The following CATSPERB variants were observed in gnomAD, a reference collection of about 807,000 sequenced individuals.
CATSPERB encodes the protein cation channel sperm-associated auxiliary subunit beta.
CATSPERB carries 93 observed loss-of-function variants against 128.3 expected under a neutral mutation model. The observed-to-expected ratio is 0.72, with a 90% CI of 0.61 to 0.86. The LOEUF (loss-of-function observed/expected upper bound fraction) is 0.86, where lower values mean the gene tolerates loss of function less well. CATSPERB is among the 40% of genes least tolerant of loss of function. The probability of loss-of-function intolerance (pLI) is 0.00; values close to 1 mark genes in which losing one functional copy is unlikely to be tolerated. For missense variants in CATSPERB, 1,153 were observed against 1,329.5 expected, an observed-to-expected ratio of 0.87 and a Z score of 2.06; for synonymous variants, 381 against 448.8, an observed-to-expected ratio of 0.85 and a Z score of 1.91.
chr14:91,723,215 A>AAC (rs1566741522), intron 3 of CATSPERB, 26 bp from the exon 4 acceptor site: 4 of 1,456,666 alleles, frequency 2.7e-6, no homozygotes, highest in Non-Finnish European at 1.8e-6. Context: ...AAAAAAAAAA[A>AAC]CAACTAATAA....
At chr14:91,584,598 A>G (rs538512019) in intron 26 of CATSPERB, among the ~76,000 whole-genome samples, 2 of 152,148 alleles carry the variant, frequency 1.3e-5, no homozygotes, top group Non-Finnish European at 2.9e-5. Context: ...TCTCCTGACA[A>G]TGGATTCTCT....
chr14:91,665,840 G>A (rs1400452303), intron 14 of CATSPERB, among the ~76,000 whole-genome samples: 1 of 151,986 alleles, frequency 6.6e-6, no homozygotes, highest in African/African-American at 2.4e-5. Context: ...ACAAGACTCC[G>A]TCTCAAAAAC....
intron 2 of CATSPERB, among the ~76,000 whole-genome samples, chr14:91,725,521 T>C (rs934410157): frequency 6.6e-6 from 1 of 152,164 alleles, no homozygotes. Context: ...TGTGTTTTGA[T>C]AGAGAGGTAC....
intron 5 of CATSPERB, among the ~76,000 whole-genome samples, chr14:91,716,867 A>G (rs1332163241): frequency 2.6e-5 from 4 of 152,170 alleles, no homozygotes; most frequent in African/African-American, 4.8e-5. Context: ...AGTTAAGCTT[A>G]TACTTACCAT....
Position 91,729,414 on chromosome 14 carries a change from T to C in CATSPERB, c.66A>G (p.Ile22Met). 1.4e-6 allele frequency: 2 copies of C among 1,470,764 alleles called. No homozygotes were observed. The allele number at this position is 1,470,764 out of a possible 1,614,324, so 91.1% of individuals were successfully genotyped here. A position where few individuals can be genotyped will look rare whatever the true frequency, so the allele number is the denominator to read the frequency against. The change falls in exon 2 of 27, where the codon ATA becomes ATG. Residue 22 changes from isoleucine to methionine, a missense_variant. Physicochemically the swap from Ile to Met is conservative, Grantham distance 10 (BLOSUM62 1). Coordinates refer to ENST00000256343, the MANE Select transcript of CATSPERB (RefSeq NM_024764.4). ...TCTGAAACTTACCTTTATTATATAC[T>C]ATTCCTGATGAAAATTCAAATATGT... ...LLNIFEFSSG[I>M]VYNKDDTEKR...
intron 5 of CATSPERB, among the ~76,000 whole-genome samples, chr14:91,717,257 A>T (rs991506608): frequency 1.3e-5 from 2 of 152,130 alleles, no homozygotes; most frequent in African/African-American, 4.8e-5. Flanking sequence ...TTATTGCCTG[A>T]TGGAACTGTT....
At chr14:91,629,374 G>C (rs1316352325) in intron 17 of CATSPERB, among the ~76,000 whole-genome samples, 4 of 152,204 alleles carry the variant, frequency 2.6e-5, no homozygotes, top group Non-Finnish European at 4.4e-5. Flanking sequence ...GGGGAAGAGA[G>C]AGTTGAAGAG....
intron 22 of CATSPERB, among the ~76,000 whole-genome samples, chr14:91,597,244 TA>T (rs1893524143): frequency 6.6e-6 from 1 of 152,168 alleles, no homozygotes; most frequent in Non-Finnish European, 1.5e-5. Context: ...ATAAAAGCTT[TA>T]AAACACTTGA....
chr14:91,704,457 C>T (rs1895703158), intron 7 of CATSPERB, 95 bp downstream of exon 7: 7 of 1,302,700 alleles, frequency 5.4e-6, no homozygotes, highest in Middle Eastern at 2.6e-4. Context: ...ATTTTCCTTC[C>T]CTATGTCTAT....
At chr14:91,715,989 T>C (rs944011085) in intron 5 of CATSPERB, among the ~76,000 whole-genome samples, 1 of 152,116 alleles carries the variant, frequency 6.6e-6, no homozygotes, top group East Asian at 1.9e-4. Flanking sequence ...GAAGAAAATA[T>C]AGGAGAATAT....
intron 15 of CATSPERB, among the ~76,000 whole-genome samples, chr14:91,652,270 A>C (rs966865486): frequency 2.0e-5 from 3 of 152,174 alleles, no homozygotes; most frequent in African/African-American, 7.2e-5. Context: ...AACTTCATTC[A>C]AAAAAGACTT....
chr14:91,616,481 A>G (rs1190820275), intron 20 of CATSPERB, among the ~76,000 whole-genome samples: 3 of 152,158 alleles, frequency 2.0e-5, no homozygotes, highest in Non-Finnish European at 4.4e-5. Flanking sequence ...CTAAAAAAAA[A>G]TGACTTGTAA....
chr14:91,686,672 A>G (rs1276028303), intron 10 of CATSPERB, among the ~76,000 whole-genome samples: 2 of 152,234 alleles, frequency 1.3e-5, no homozygotes, highest in Non-Finnish European at 2.9e-5. Flanking sequence ...TGCTAATTAT[A>G]AAAACTTCCA....
chr14:91,608,021 G>A (rs186499099), intron 22 of CATSPERB, among the ~76,000 whole-genome samples: 56 of 152,248 alleles, frequency 3.7e-4, no homozygotes, highest in Non-Finnish European at 6.3e-4. Context: ...CCTTTCATTC[G>A]AGAAAAGATG....
In CATSPERB at chr14:91,589,678, C is replaced by T. The variant is rs763888959; in HGVS notation, c.2821-9G>A. ...AACTTAAAGCGAGGAACCTAAAATA[C>T]AAATTCCAAGAATGAATGTAAACTT... On this transcript the variant is annotated splice_polypyrimidine_tract_variant and intron_variant, in intron 23 of 26. Coordinates refer to ENST00000256343, the MANE Select transcript of CATSPERB (RefSeq NM_024764.4). 2.2e-5 allele frequency: 35 copies of T among 1,608,716 alleles called. No homozygotes were observed. The highest frequency in any genetic ancestry group is 2.9e-5 in the Non-Finnish European group (34 of 1,177,336).
chr14:91,708,585 A>C (rs1015326190), intron 5 of CATSPERB, among the ~76,000 whole-genome samples: 1 of 152,234 alleles, frequency 6.6e-6, no homozygotes, highest in African/African-American at 2.4e-5. Context: ...CCTAAGGTGA[A>C]CAACAAAAAA....
intron 13 of CATSPERB, 42 bp downstream of exon 13, chr14:91,672,825 T>C (rs553754960): frequency 2.8e-6 from 4 of 1,438,764 alleles, no homozygotes; most frequent in African/African-American, 1.5e-5. Context: ...ATTTTTATTG[T>C]TGTCATGTCA....
rs1595172251 is a variant in CATSPERB at position 91,669,012 on chromosome 14, A to G, written c.1287+802T>C. Reference sequence around the variant, plus strand: ...TTCCAAGGCCTTCCCAGCCAGGCAGAACTGTGAGTCAATTAAACCTCTTTT... The same window carrying G: ...TTCCAAGGCCTTCCCAGCCAGGCAGGACTGTGAGTCAATTAAACCTCTTTT... On this transcript the variant is annotated intron_variant, in intron 14 of 26. Coordinates refer to ENST00000256343, the MANE Select transcript of CATSPERB (RefSeq NM_024764.4). Among the ~76,000 whole-genome samples the G allele has an allele frequency of 4.6e-5, 7 of 152,362 alleles. No homozygotes were observed. The South Asian group carries it at 1.4e-3, about 32-fold the overall frequency.
chr14:91,656,901 T>C (rs1193761768), intron 15 of CATSPERB, among the ~76,000 whole-genome samples: 2 of 151,858 alleles, frequency 1.3e-5, no homozygotes, highest in Non-Finnish European at 2.9e-5. Context: ...ACAAAAACTA[T>C]AGAAAGAGAC....
Sources: gnomAD v4.1 joint callset for allele counts (sites outside exome capture counted in the v4.1 genomes callset) on GRCh38, gnomAD v4.1.1 for gene constraint, MANE v1.5 for transcripts, NCBI Gene and HGNC (gene_info 2026-07-23, HGNC 2026-07-21) for gene names.